DPYSL2: variants seen among roughly 807,000 people sequenced by gnomAD.
The protein encoded by DPYSL2 is dihydropyrimidinase like 2, also known as dihydropyrimidinase-related protein 2.
Under a neutral mutation model 69.9 loss-of-function variants are expected in DPYSL2, and 13 were observed. The ratio of observed to expected loss-of-function variants is 0.19; its 90% CI spans 0.12 to 0.30. DPYSL2 has a LOEUF of 0.30. Ranked by LOEUF, DPYSL2 falls within the 10% of genes least tolerant of loss-of-function variation. DPYSL2 has a pLI of 1.00. For synonymous variants in DPYSL2, 326 were observed against 359.1 expected (o/e 0.91, Z 1.04); for missense variants, 587 against 918.9 (o/e 0.64, Z 4.67).
At chr8:26,646,948 A>G (rs1435875150) in intron 10 of DPYSL2, among the ~76,000 whole-genome samples, 1 of 151,742 alleles carries the variant, frequency 6.6e-6, no homozygotes, top group African/African-American at 2.4e-5. Context: ...ACTCTACTGC[A>G]CTCTAGCCTC....
At chr8:26,632,471 T>C (rs1802800879) in intron 7 of DPYSL2, among the ~76,000 whole-genome samples, 1 of 152,208 alleles carries the variant, frequency 6.6e-6, no homozygotes, top group Non-Finnish European at 1.5e-5. Context: ...CCAGCAGGCC[T>C]TGTAGAATGA....
At chr8:26,523,325 CACATA>C (rs1808420760) in intron 1 of DPYSL2, among the ~76,000 whole-genome samples, 1 of 152,050 alleles carries the variant, frequency 6.6e-6, no homozygotes, top group South Asian at 2.1e-4. Context: ...GTAATAACTA[CACATA>C]ACATAAAATT....
chr8:26,555,119 A>G (rs987567530), intron 1 of DPYSL2, among the ~76,000 whole-genome samples: 12 of 152,176 alleles, frequency 7.9e-5, no homozygotes, highest in Non-Finnish European at 1.8e-4. Flanking sequence ...TCTCAACTTG[A>G]TAAAGAAGAT....
In DPYSL2 at chr8:26,617,700, A is replaced by G. The variant is rs1392884820; in HGVS notation, c.629-6443A>G. Among the ~76,000 whole-genome samples, 1 of 152,216 alleles carries G rather than the reference A, an allele frequency of 6.6e-6. No homozygotes were observed. Among genetic ancestry groups the G allele is most frequent in the African/African-American group, 2.4e-5 (1 of 41,460 alleles). On this transcript the variant is annotated intron_variant, in intron 3 of 13. Transcript: ENST00000521913. This position sits in a 1 kb window ranked among gnomAD's most constrained non-coding sequence, Gnocchi z 4.7. ...AGCACTGATTCTCGCTGCAGCATGGATGAACCTTGACGACATGATGCCAAG... is the reference window on the plus strand; with the variant it reads ...AGCACTGATTCTCGCTGCAGCATGGGTGAACCTTGACGACATGATGCCAAG...
Position 26,582,336 on chromosome 8 carries a change from A to G in DPYSL2, c.443+279A>G, listed in dbSNP as rs1434956992. 2.0e-5 allele frequency among the ~76,000 whole-genome samples: 3 copies of G among 152,246 alleles called. No individual in the cohort carries two copies. Among genetic ancestry groups the G allele is most frequent in the African/African-American group, 7.2e-5 (3 of 41,460 alleles). Reference sequence around the variant, plus strand: ...ATGATATCTTTCTGTTGCCAGCTCAAATACTTGGTTTGTGATATGTTGAAT... The same window carrying G: ...ATGATATCTTTCTGTTGCCAGCTCAGATACTTGGTTTGTGATATGTTGAAT... On this transcript the variant is annotated intron_variant, in intron 2 of 13. Transcript: ENST00000521913. The surrounding 1 kb of genome is among the most constrained non-coding windows in gnomAD (Gnocchi z 4.1).
chr8:26,555,963 A>G (rs1459527607), intron 1 of DPYSL2, among the ~76,000 whole-genome samples: 1 of 122,712 alleles, frequency 8.1e-6, no homozygotes, highest in Non-Finnish European at 1.6e-5. Context: ...CATGTATTAT[A>G]TATTATATAT....
chr8:26,643,715 C>T lies in DPYSL2; in HGVS notation c.1283+120C>T. 1.4e-6 allele frequency: 2 copies of T among 1,444,098 alleles called. No homozygotes were observed. The highest frequency in any genetic ancestry group is 1.2e-5 in the South Asian group (1 of 80,846). The allele number at this position is 1,444,098 out of a possible 1,614,324, so 89.5% of individuals were successfully genotyped here. ...CATAAAACTGGGAGACCCTTGTTCA[C>T]CAAACTAGGTTGGCTACATGAGTAC... On this transcript the variant is annotated intron_variant, in intron 9 of 13. Coordinates refer to ENST00000521913, the MANE Select transcript of DPYSL2 (RefSeq NM_001197293.3). This position sits in a 1 kb window ranked among gnomAD's most constrained non-coding sequence, Gnocchi z 6.5.
rs536903567 is a variant in DPYSL2 at position 26,631,577 on chromosome 8, G to A, written c.1006-3203G>A. 5.3e-5 allele frequency among the ~76,000 whole-genome samples: 8 copies of A among 152,262 alleles called. No individual in the cohort carries two copies. In the South Asian group the frequency reaches 1.0e-3, roughly 20 times the overall value. Reference sequence around the variant, plus strand: ...CCAGAGAAATTGAAACCATTTTTACGTGATTAGGCCCAGCAGCTGTTGCCC... The same window carrying A: ...CCAGAGAAATTGAAACCATTTTTACATGATTAGGCCCAGCAGCTGTTGCCC... On this transcript the variant is annotated intron_variant, in intron 7 of 13. Transcript: ENST00000521913.
At chr8:26,595,170 C>T (rs1233986986) in intron 3 of DPYSL2, among the ~76,000 whole-genome samples, 3 of 152,010 alleles carry the variant, frequency 2.0e-5, no homozygotes, top group Non-Finnish European at 4.4e-5. Flanking sequence ...GTGCAGTGAG[C>T]TATGATTGTG....
intron 1 of DPYSL2, among the ~76,000 whole-genome samples, chr8:26,566,308 C>G (rs988542110): frequency 6.6e-6 from 1 of 152,004 alleles, no homozygotes; most frequent in African/African-American, 2.4e-5. Context: ...GGCCTGGGCT[C>G]AGATACAAAA....
At position 26,656,724 on chromosome 8, in the gene DPYSL2, A is replaced by C. The variant is rs991141807; in HGVS notation, c.*1018A>C. The C allele has an allele frequency of 6.6e-6, 1 of 152,664 alleles. No individual in the cohort carries two copies. Among genetic ancestry groups the C allele is most frequent in the African/African-American group, 2.4e-5 (1 of 41,452 alleles). The allele number at this position is 152,664 out of a possible 1,614,324, so 9.5% of individuals were successfully genotyped here. A position where few individuals can be genotyped will look rare whatever the true frequency, so the allele number is the denominator to read the frequency against. On this transcript the variant is annotated 3_prime_UTR_variant, in exon 14 of 14. Coordinates refer to ENST00000521913, the MANE Select transcript of DPYSL2 (RefSeq NM_001197293.3). ...GGACTGGTGCTAACCACCTGCCATC[A>C]TGAGGATGTGTGCTAGAGTGTGGGA...
chr8:26,558,893 C>G (rs1801030810), intron 1 of DPYSL2, among the ~76,000 whole-genome samples: 1 of 152,308 alleles, frequency 6.6e-6, no homozygotes, highest in South Asian at 2.1e-4. Context: ...TTAGATAAAA[C>G]ATGAATTTAA....
At chr8:26,557,883 G>A (rs565505604) in intron 1 of DPYSL2, among the ~76,000 whole-genome samples, 36 of 151,876 alleles carry the variant, frequency 2.4e-4, no homozygotes, top group African/African-American at 7.7e-4. Flanking sequence ...CATGTGTAGT[G>A]GCATCTCATT....
chr8:26,585,958 G>T lies in DPYSL2; in HGVS notation c.628+1975G>T, dbSNP rs1585526141. 6.6e-6 allele frequency among the ~76,000 whole-genome samples: 1 copy of T among 152,272 alleles called. No individual in the cohort carries two copies. The highest frequency in any genetic ancestry group is 2.4e-5 in the African/African-American group (1 of 41,548). On this transcript the variant is annotated intron_variant, in intron 3 of 13. Coordinates refer to ENST00000521913, the MANE Select transcript of DPYSL2 (RefSeq NM_001197293.3). The surrounding 1 kb of genome is among the most constrained non-coding windows in gnomAD (Gnocchi z 4.0). The stretch of plus-strand genomic sequence containing the variant: ...GAATCTACTACAAATACAAAAATTA[G>T]CTAGGCATGGTGGCATGCTCCTGGA...
At position 26,652,384 on chromosome 8, in the gene DPYSL2, C is replaced by T; in HGVS notation, c.1724C>T (p.Pro575Leu). The change falls in exon 12 of 14, where the codon CCC becomes CTC. Residue 575 changes from proline (P) to leucine (L), a missense_variant. By Grantham distance (98) the Pro-to-Leu change is moderately conservative. Coordinates refer to ENST00000521913, the MANE Select transcript of DPYSL2 (RefSeq NM_001197293.3). This position sits in a 1 kb window ranked among gnomAD's most constrained non-coding sequence, Gnocchi z 6.3. Reference sequence around the variant, plus strand: ...ACCGAAGGCTCTGGACGCTACATTCCCCGGAAGCCCTTCCCTGATTTTGTT... The same window carrying T: ...ACCGAAGGCTCTGGACGCTACATTCTCCGGAAGCCCTTCCCTGATTTTGTT... Reference protein sequence around the residue: ...HVTEGSGRYIPRKPFPDFVYK... With the variant: ...HVTEGSGRYILRKPFPDFVYK... 6.2e-7 allele frequency: 1 copy of T among 1,614,136 alleles called. No individual in the cohort carries two copies. Among genetic ancestry groups the T allele is most frequent in the Non-Finnish European group, 8.5e-7 (1 of 1,179,996 alleles).
rs138727711 is a variant in DPYSL2 at position 26,631,810 on chromosome 8, C to T, written c.1006-2970C>T. On this transcript the variant is annotated intron_variant, in intron 7 of 13. Coordinates refer to ENST00000521913, the MANE Select transcript of DPYSL2 (RefSeq NM_001197293.3). ...TTGAAAGGCTTGGATAGTGGCAGAG[C>T]GTGATTAGAACTCAAGCCCACAGGC... 2.5e-3 allele frequency among the ~76,000 whole-genome samples: 383 copies of T among 152,136 alleles called. 2 individuals carry two copies. Among genetic ancestry groups the T allele is most frequent in the African/African-American group, 8.6e-3 (356 of 41,502 alleles).
chr8:26,629,172 C>T (rs1270606346), intron 7 of DPYSL2, among the ~76,000 whole-genome samples: 7 of 152,244 alleles, frequency 4.6e-5, no homozygotes, highest in South Asian at 2.1e-4. Flanking sequence ...CATATGCACA[C>T]ATAGACACAC....
At position 26,588,586 on chromosome 8, in the gene DPYSL2, C is replaced by T. The variant is rs2129760657; in HGVS notation, c.628+4603C>T. ...ACATACCCAGCAGGCTTCCTGGTCC[C>T]TGGGTAGCACCGCACAGCAGAGATG... On this transcript the variant is annotated intron_variant, in intron 3 of 13. Coordinates refer to ENST00000521913, the MANE Select transcript of DPYSL2 (RefSeq NM_001197293.3). This position sits in a 1 kb window ranked among gnomAD's most constrained non-coding sequence, Gnocchi z 5.4. 6.6e-6 allele frequency among the ~76,000 whole-genome samples: 1 copy of T among 152,262 alleles called. No individual in the cohort carries two copies. Among genetic ancestry groups the T allele is most frequent in the South Asian group, 2.1e-4 (1 of 4,828 alleles).
intron 3 of DPYSL2, among the ~76,000 whole-genome samples, chr8:26,618,360 T>C (rs1802404278): frequency 6.6e-6 from 1 of 151,636 alleles, no homozygotes. Context: ...TTGCCCAAGC[T>C]GAAGTGCAGT....
Sources: gnomAD v4.1 joint callset for allele counts (sites outside exome capture counted in the v4.1 genomes callset) on GRCh38, gnomAD v4.1.1 for gene constraint, Gnocchi (gnomAD v3.1) non-coding constraint, MANE v1.5 for transcripts, NCBI Gene and HGNC (gene_info 2026-07-23, HGNC 2026-07-21) for gene names.